Variants in SF3A3 observed in about 807,000 individuals in gnomAD.
SF3A3 encodes the protein SAP 61.
SF3A3 carries 9 observed loss-of-function variants against 85.8 expected under a neutral mutation model. The ratio of observed to expected loss-of-function variants is 0.10; its 90% CI spans 0.06 to 0.18. The LOEUF (loss-of-function observed/expected upper bound fraction) is 0.18. Ranked by LOEUF, SF3A3 falls within the 10% of genes least tolerant of loss-of-function variation. The pLI is 1.00. For missense variants in SF3A3, 306 were observed against 593.3 expected (o/e 0.52, Z 5.03); for synonymous variants, 195 against 204.4 (o/e 0.95, Z 0.39).
At chr1:37,984,397 C>G (rs952456022) in intron 5 of SF3A3, 137 bp from the exon 6 acceptor site, 2 of 631,574 alleles carry the variant, frequency 3.2e-6, no homozygotes, top group Non-Finnish European at 5.7e-6. Context: ...CACAATATAA[C>G]CTCCAATAAG....
chr1:37,973,696 A>G (rs1450725255), intron 12 of SF3A3, among the ~76,000 whole-genome samples: 1 of 152,234 alleles, frequency 6.6e-6, no homozygotes, highest in Non-Finnish European at 1.5e-5. Flanking sequence ...ATCTAGAACT[A>G]GAAATACCAT....
intron 8 of SF3A3, 31 bp downstream of exon 8, chr1:37,980,555 T>G: frequency 6.2e-6 from 10 of 1,607,682 alleles, no homozygotes; most frequent in Non-Finnish European, 8.5e-6. Flanking sequence ...TTCCCTGGCA[T>G]GTCCACCATT....
chr1:37,970,893 A>G (rs940690738), intron 12 of SF3A3, among the ~76,000 whole-genome samples: 5 of 152,216 alleles, frequency 3.3e-5, no homozygotes, highest in Non-Finnish European at 7.3e-5. Flanking sequence ...AAATGTCCAC[A>G]AAAGAAAGCA....
intron 12 of SF3A3, among the ~76,000 whole-genome samples, chr1:37,976,464 C>T (rs1373521886): frequency 6.6e-6 from 1 of 152,116 alleles, no homozygotes; most frequent in Non-Finnish European, 1.5e-5. Flanking sequence ...ATCTTATGAA[C>T]ATGTAAGTTG....
chr1:37,987,369 G>A (rs12044531), intron 4 of SF3A3, among the ~76,000 whole-genome samples: 52,794 of 152,002 alleles, frequency 0.35, 10,682 homozygotes, highest in Non-Finnish European at 0.45. Context: ...GTGAGCCACC[G>A]TGCCCAGCCG....
At chr1:37,982,907 C>T (rs1646429589) in intron 6 of SF3A3, among the ~76,000 whole-genome samples, 1 of 151,602 alleles carries the variant, frequency 6.6e-6, no homozygotes, top group Non-Finnish European at 1.5e-5. Context: ...CTAGCCTGGA[C>T]AATACAGTGA....
In SF3A3 at chr1:37,978,827, C is replaced by T. The variant is rs1646397431; in HGVS notation, c.828G>A (p.Gly276=). Residue 276 remains glycine (G), a splice_region_variant and synonymous_variant, in exon 11 of 17, where the codon GGG becomes GGA. Transcript: ENST00000373019. Reference sequence around the variant, plus strand: ...GTCTCTGGGCTCGCTCTTCTAGGGTCCTAAGGAGACAGGACGGCAAAGGAT... The same window carrying T: ...GTCTCTGGGCTCGCTCTTCTAGGGTTCTAAGGAGACAGGACGGCAAAGGAT... ...ALLALGLKCG[G]TLEERAQRLF... 2 of 1,573,736 alleles carry T rather than the reference C, an allele frequency of 1.3e-6. No individual in the cohort carries two copies. Among genetic ancestry groups the T allele is most frequent in the African/African-American group, 2.7e-5 (2 of 74,010 alleles).
rs560035886 is a variant in SF3A3 at position 37,967,730 on chromosome 1, C to T, written c.1372+314G>A. 3.5e-4 allele frequency among the ~76,000 whole-genome samples: 49 copies of T among 139,438 alleles called. No homozygotes were observed. In the East Asian group the frequency reaches 0.01, roughly 29 times the overall value. The allele number at this position is 139,438 out of a possible 152,430, so 91.5% of individuals were successfully genotyped here. A position where few individuals can be genotyped will look rare whatever the true frequency, so the allele number is the denominator to read the frequency against. On this transcript the variant is annotated intron_variant, in intron 15 of 16. Coordinates refer to ENST00000373019, the MANE Select transcript of SF3A3 (RefSeq NM_006802.4). ...AAAAAATTAGCCAGGTGTGGTGGCACGTGCCTGTAGTCCCAGCTACTCGGT... is the reference window on the plus strand; with the variant it reads ...AAAAAATTAGCCAGGTGTGGTGGCATGTGCCTGTAGTCCCAGCTACTCGGT...
intron 8 of SF3A3, 143 bp from the exon 9 acceptor site, chr1:37,979,676 T>C (rs562367743): frequency 4.8e-4 from 278 of 574,646 alleles, no homozygotes; most frequent in Non-Finnish European, 7.3e-4. Context: ...GGAAACATGG[T>C]GAAATCTTGT....
intron 12 of SF3A3, among the ~76,000 whole-genome samples, chr1:37,973,139 A>T (rs951700792): frequency 5.3e-5 from 8 of 152,096 alleles, no homozygotes; most frequent in Non-Finnish European, 1.0e-4. Flanking sequence ...GGATCATGCC[A>T]CTACACTCCA....
At chr1:37,981,173 C>A (rs901186125) in intron 7 of SF3A3, among the ~76,000 whole-genome samples, 4 of 152,088 alleles carry the variant, frequency 2.6e-5, no homozygotes, top group African/African-American at 9.7e-5. Flanking sequence ...AATGAACTTA[C>A]AATGGACTTT....
chr1:37,978,929 T>C (rs752431657), intron 10 of SF3A3, 59 bp downstream of exon 10: 2 of 1,559,166 alleles, frequency 1.3e-6, no homozygotes, highest in Non-Finnish European at 1.8e-6. Context: ...CAGAGCTACT[T>C]AGAAGACTGT....
chr1:37,962,474 A>C (rs1240565559), intron 15 of SF3A3, among the ~76,000 whole-genome samples: 3 of 151,462 alleles, frequency 2.0e-5, no homozygotes, highest in Non-Finnish European at 4.4e-5. Flanking sequence ...ATGGTGGTGC[A>C]TGCCTGTAAT....
intron 2 of SF3A3, among the ~76,000 whole-genome samples, chr1:37,989,062 T>G (rs768221113): frequency 1.3e-5 from 2 of 151,618 alleles, no homozygotes; most frequent in Non-Finnish European, 2.9e-5. Context: ...GAGGCCGAGG[T>G]AGGTGGATCA....
chr1:37,959,811 A>G (rs1192630369), intron 16 of SF3A3, among the ~76,000 whole-genome samples: 1 of 152,014 alleles, frequency 6.6e-6, no homozygotes, highest in East Asian at 1.9e-4. Flanking sequence ...TACAAAAATT[A>G]GTCGGGTGTG....
intron 16 of SF3A3, among the ~76,000 whole-genome samples, chr1:37,959,790 G>A (rs539278952): frequency 1.9e-4 from 29 of 151,638 alleles, no homozygotes; most frequent in African/African-American, 3.4e-4. Context: ...AAACCCTGTC[G>A]CTACTAAAAA....
intron 4 of SF3A3, 47 bp downstream of exon 4, chr1:37,987,526 T>C: frequency 7.5e-7 from 1 of 1,329,480 alleles, no homozygotes; most frequent in Non-Finnish European, 1.1e-6. Context: ...TTTCCTTTAG[T>C]ATGCTTTAAG....
rs564479299 is a variant in SF3A3 at position 37,966,874 on chromosome 1, G to A, written c.1372+1170C>T. Among the ~76,000 whole-genome samples the A allele has an allele frequency of 9.0e-3, 1,237 of 138,018 alleles. 10 individuals are homozygous for A. Among genetic ancestry groups the A allele is most frequent in the Non-Finnish European group, 0.014 (905 of 65,556 alleles). The allele number at this position is 138,018 out of a possible 152,430, so 90.5% of individuals were successfully genotyped here. On this transcript the variant is annotated intron_variant, in intron 15 of 16. Transcript: ENST00000373019. ...CGCTTGAACCCAGGAGGCACAGGTTGCAGTGAGCCGAGATCGCACCATTGC... is the reference window on the plus strand; with the variant it reads ...CGCTTGAACCCAGGAGGCACAGGTTACAGTGAGCCGAGATCGCACCATTGC...
chr1:37,979,570 T>A, intron 8 of SF3A3, 37 bp from the exon 9 acceptor site: 1 of 1,556,844 alleles, frequency 6.4e-7, no homozygotes, highest in Non-Finnish European at 8.8e-7. Context: ...AAGATCCAGG[T>A]TTAGGCCAGG....
Sources: allele counts gnomAD v4.1 joint callset (sites outside exome capture counted in the v4.1 genomes callset), GRCh38; gene constraint gnomAD v4.1.1; transcripts MANE v1.5; gene names NCBI Gene and HGNC (gene_info 2026-07-23, HGNC 2026-07-21).